The following ATAD2B variants were observed in gnomAD, a reference collection of about 807,000 sequenced individuals.
ATAD2B encodes ATPase family AAA domain containing 2B, also known as ATPase family AAA domain-containing protein 2B.
A neutral mutation model predicts 167.6 loss-of-function variants in ATAD2B; 40 were observed. The ratio of observed to expected loss-of-function variants is 0.24; its 90% CI spans 0.19 to 0.31. The LOEUF is 0.31. Ranked by LOEUF, ATAD2B falls within the 10% of genes least tolerant of loss-of-function variation. The pLI, the probability that ATAD2B is intolerant of heterozygous loss-of-function variation, is 1.00. For missense variants in ATAD2B, 1,242 were observed against 1,757.2 expected (o/e 0.71, Z 5.24); for synonymous variants, 579 against 596.5 (o/e 0.97, Z 0.43).
At chr2:23,837,854 A>G (rs1690257974) in intron 13 of ATAD2B, among the ~76,000 whole-genome samples, 1 of 152,194 alleles carries the variant, frequency 6.6e-6, no homozygotes, top group Admixed American at 6.6e-5. Context: ...TTCAACTCAA[A>G]ATTATTTTCT....
chr2:23,725,677 C>T, the ATAD2B span, among the ~76,000 whole-genome samples: 39 of 152,178 alleles, frequency 2.6e-4, no homozygotes, highest in Non-Finnish European at 4.4e-5. Context: ...AAAGGAAATA[C>T]TCAAACTTTA....
At chr2:23,707,815 A>C in the ATAD2B span, 3 of 152,308 alleles carry the variant, frequency 2.0e-5, no homozygotes, top group African/African-American at 7.2e-5. Context: ...TTCTTAGTGG[A>C]GCCATGGCAG....
chr2:23,917,191 G>A (rs566340217), intron 1 of ATAD2B, among the ~76,000 whole-genome samples: 2 of 152,276 alleles, frequency 1.3e-5, no homozygotes, highest in East Asian at 1.9e-4. Flanking sequence ...ATGAATGAAC[G>A]AACAAAGGAA....
the ATAD2B span, among the ~76,000 whole-genome samples, chr2:23,702,590 C>T: frequency 6.6e-6 from 1 of 152,206 alleles, no homozygotes; most frequent in African/African-American, 2.4e-5. Flanking sequence ...AGCTTATTCA[C>T]TCTTCAAGGC....
Position 23,869,811 on chromosome 2 carries a change from T to C in ATAD2B, c.978-50A>G, listed in dbSNP as rs979797089. On this transcript the variant is annotated intron_variant, in intron 8 of 27. Transcript: ENST00000238789. ...AAAACCATTATAATAGCAAACAACT[T>C]TTTAAAACACACTGTAATATCTACA... The C allele has an allele frequency of 5.1e-5, 61 of 1,201,810 alleles. No individual in the cohort carries two copies. The African/African-American group carries it at 7.9e-4, about 16-fold the overall frequency. 74.4% of individuals were successfully genotyped at this position (1,201,810 alleles called of 1,614,324 possible).
chr2:23,873,951 C>T (rs1696390413), intron 8 of ATAD2B, among the ~76,000 whole-genome samples: 1 of 151,660 alleles, frequency 6.6e-6, no homozygotes, highest in South Asian at 2.1e-4. Flanking sequence ...CTTTGGGAGG[C>T]TGAGGCAGGC....
At chr2:23,704,344 C>A in the ATAD2B span, among the ~76,000 whole-genome samples, 1 of 152,232 alleles carries the variant, frequency 6.6e-6, no homozygotes, top group African/African-American at 2.4e-5. Context: ...AAACCCACCC[C>A]TGCAGGCAGA....
chr2:23,895,636 CT>C (rs1262419468), intron 2 of ATAD2B, among the ~76,000 whole-genome samples, 182 bp downstream of exon 2: 4 of 151,914 alleles, frequency 2.6e-5, no homozygotes, highest in East Asian at 3.9e-4. Flanking sequence ...TACCATGTAT[CT>C]TTATAAAACA....
At chr2:23,745,422 A>AAGGAAGGAAGGG (rs1491261605), downstream of ATAD2B, among the ~76,000 whole-genome samples, 7 of 85,064 alleles carry the variant, frequency 8.2e-5, no homozygotes, top group South Asian at 4.4e-4. Context: ...GGAAGGAAGG[A>AAGGAAGGAAGGG]AAGGGAAGGG....
At chr2:23,777,372 C>CTATATA (rs1434642634) in intron 22 of ATAD2B, among the ~76,000 whole-genome samples, 3 of 151,738 alleles carry the variant, frequency 2.0e-5, no homozygotes, top group Non-Finnish European at 4.4e-5. Context: ...ATATCTATAT[C>CTATATA]TATATCTATA....
intron 13 of ATAD2B, among the ~76,000 whole-genome samples, chr2:23,838,752 C>T (rs1224556254): frequency 1.3e-5 from 2 of 152,026 alleles, no homozygotes; most frequent in Admixed American, 6.5e-5. Flanking sequence ...TCTGCACTGC[C>T]TCTTTTACCA....
rs1202469978 is a variant in ATAD2B, at chr2:23,867,837, A to T, written c.1186T>A (p.Ser396Thr). 17 of 1,592,170 alleles carry T rather than the reference A, an allele frequency of 1.1e-5. No homozygotes were observed. The highest frequency in any genetic ancestry group is 1.5e-5 in the Non-Finnish European group (17 of 1,168,526). ...AGAAAAACATTTACAAAACTTACTG[A>T]TTTATCAATGTTCATTGGATCAACA... ...ADVDPMNIDK[S>T]VRFDSIGGLS... Residue 396 changes from serine (S) to threonine (T), a missense_variant and splice_region_variant, in exon 10 of 28, where the codon TCA becomes ACA. By Grantham distance (58) the Ser-to-Thr change is moderately conservative (BLOSUM62 1). Around this residue, in one of 9 missense-constraint regions of ATAD2B, gnomAD observed 127 missense variants for 146.3 expected, o/e 0.87. Coordinates refer to ENST00000238789, the MANE Select transcript of ATAD2B (RefSeq NM_017552.4).
At chr2:23,902,609 T>C (rs555395927) in intron 1 of ATAD2B, among the ~76,000 whole-genome samples, 1 of 152,202 alleles carries the variant, frequency 6.6e-6, no homozygotes, top group African/African-American at 2.4e-5. Context: ...TAAAAGATTA[T>C]GCAATCTACC....
intron 22 of ATAD2B, among the ~76,000 whole-genome samples, chr2:23,772,507 G>C (rs776873282): frequency 5.9e-5 from 9 of 151,992 alleles, no homozygotes; most frequent in Non-Finnish European, 1.3e-4. Context: ...AAAAAGGTAA[G>C]ATTAAATCTA....
the ATAD2B span, chr2:23,706,652 T>C: frequency 6.6e-7 from 1 of 1,524,686 alleles, no homozygotes; most frequent in Non-Finnish European, 8.8e-7. Flanking sequence ...AGAAATATAT[T>C]CAAAGCGGCT....
At chr2:23,706,397 C>CT in the ATAD2B span, 3 of 1,129,912 alleles carry the variant, frequency 2.7e-6, no homozygotes, top group African/African-American at 4.8e-5. Context: ...AGGCAGCCTA[C>CT]AACAGGACAC....
chr2:23,861,294 T>C (rs1321937823), intron 12 of ATAD2B, among the ~76,000 whole-genome samples: 1 of 151,758 alleles, frequency 6.6e-6, no homozygotes, highest in African/African-American at 2.4e-5. Flanking sequence ...CTTTCTACCA[T>C]TGCACAAAAA....
In ATAD2B at chr2:23,923,674, C is replaced by T. The variant is rs142790779; in HGVS notation, c.216+2881G>A. Among the ~76,000 whole-genome samples the T allele has an allele frequency of 4.4e-3, 658 of 150,732 alleles. 9 individuals carry two copies. The highest frequency in any genetic ancestry group is 0.014 in the African/African-American group (569 of 41,086). On this transcript the variant is annotated intron_variant, in intron 1 of 27. Coordinates refer to ENST00000238789, the MANE Select transcript of ATAD2B (RefSeq NM_017552.4). ...CAAAAAAAAAAAAGGCTTTTCATAC[C>T]GAAAAAAAGAAAAAGAAAATAATTC...
rs770725105 is a variant in ATAD2B at position 23,882,502 on chromosome 2, T to TAA, written c.785-1749_785-1748dup. On this transcript the variant is annotated intron_variant, in intron 6 of 27. Coordinates refer to ENST00000238789, the MANE Select transcript of ATAD2B (RefSeq NM_017552.4). ...TGAGCCACCACACCCAGCCTCTATTTAAAAAAAAAAAAAAAAAAAAAAAAG... is the reference window on the plus strand; with the variant it reads ...TGAGCCACCACACCCAGCCTCTATTTAAAAAAAAAAAAAAAAAAAAAAAAAAG... Among the ~76,000 whole-genome samples the TAA allele has an allele frequency of 1.8e-3, 163 of 92,196 alleles. 1 individual carries two copies. The highest frequency in any genetic ancestry group is 0.013 in the South Asian group (34 of 2,566). The allele number at this position is 92,196 out of a possible 152,430, so 60.5% of individuals were successfully genotyped here.
Sources: allele counts gnomAD v4.1 joint callset (sites outside exome capture counted in the v4.1 genomes callset), GRCh38; gene constraint gnomAD v4.1.1; regional missense constraint gnomAD v4.1.1; transcripts MANE v1.5; gene names NCBI Gene and HGNC (gene_info 2026-07-23, HGNC 2026-07-21).